The following TMEM132D variants were observed in gnomAD, a reference collection of about 807,000 sequenced individuals.
TMEM132D encodes mature OL transmembrane protein.
A neutral mutation model predicts 62.3 loss-of-function variants in TMEM132D; 21 were observed. The observed-to-expected ratio is 0.34, with a 90% CI of 0.24 to 0.49. The LOEUF is 0.49. Ranked by LOEUF, TMEM132D falls within the 20% of genes least tolerant of loss-of-function variation. The pLI, the probability that TMEM132D is intolerant of heterozygous loss-of-function variation, is 0.99. For synonymous variants in TMEM132D, 621 were observed against 575.6 expected, an observed-to-expected ratio of 1.08 and a Z score of -1.13; for missense variants, 1,346 against 1,402.8, an observed-to-expected ratio of 0.96 and a Z score of 0.65.
chr12:129,530,012 C>T (rs567164006), intron 3 of TMEM132D, among the ~76,000 whole-genome samples: 5 of 152,266 alleles, frequency 3.3e-5, no homozygotes, highest in Admixed American at 1.3e-4. Flanking sequence ...CTCTCATTTG[C>T]TGTACAAGCA....
At chr12:129,561,583 T>C (rs1459234830) in intron 2 of TMEM132D, among the ~76,000 whole-genome samples, 1 of 152,182 alleles carries the variant, frequency 6.6e-6, no homozygotes, top group Non-Finnish European at 1.5e-5. Context: ...CAACATAAGC[T>C]ATTTAAAGCT....
intron 3 of TMEM132D, among the ~76,000 whole-genome samples, chr12:129,527,536 T>G (rs1876084050): frequency 6.6e-6 from 1 of 152,164 alleles, no homozygotes; most frequent in Non-Finnish European, 1.5e-5. Flanking sequence ...GCTGGAGAAC[T>G]TAAATAAATG....
chr12:129,711,557 A>T (rs7294324), intron 1 of TMEM132D, among the ~76,000 whole-genome samples: 9 of 151,922 alleles, frequency 5.9e-5, no homozygotes, highest in Non-Finnish European at 8.8e-5. Flanking sequence ...GAAACCCCAT[A>T]GCTACTAAAA....
intron 4 of TMEM132D, among the ~76,000 whole-genome samples, chr12:129,295,902 T>C (rs2135623239): frequency 6.6e-6 from 1 of 152,292 alleles, no homozygotes; most frequent in East Asian, 1.9e-4. Flanking sequence ...ACTATTACTT[T>C]GTATTTATTT....
chr12:129,487,375 T>C (rs1874614671), intron 3 of TMEM132D, among the ~76,000 whole-genome samples: 1 of 152,178 alleles, frequency 6.6e-6, no homozygotes. Context: ...AGGGACAAGA[T>C]GTAATTTAAG....
intron 2 of TMEM132D, among the ~76,000 whole-genome samples, chr12:129,697,540 G>T (rs1228523006): frequency 6.6e-6 from 1 of 152,170 alleles, no homozygotes; most frequent in Non-Finnish European, 1.5e-5. Context: ...GAGGTAAACA[G>T]ACATTCATGA....
At chr12:129,131,110 T>C (rs1014795072) in intron 5 of TMEM132D, among the ~76,000 whole-genome samples, 1 of 152,190 alleles carries the variant, frequency 6.6e-6, no homozygotes, top group Non-Finnish European at 1.5e-5. Context: ...AAAAGGGTAC[T>C]AATGAAAATC....
At chr12:129,166,225 G>C (rs1877541585) in intron 5 of TMEM132D, among the ~76,000 whole-genome samples, 1 of 152,184 alleles carries the variant, frequency 6.6e-6, no homozygotes, top group African/African-American at 2.4e-5. Context: ...GCACCCGATG[G>C]GACCTGCTAA....
chr12:129,126,865 C>T (rs1876228874), intron 5 of TMEM132D, among the ~76,000 whole-genome samples: 2 of 152,182 alleles, frequency 1.3e-5, no homozygotes, highest in South Asian at 2.1e-4. Context: ...CATGAAGGGA[C>T]ATGTCATCAT....
intron 1 of TMEM132D, among the ~76,000 whole-genome samples, chr12:129,898,530 T>C (rs928619935): frequency 6.6e-6 from 1 of 152,210 alleles, no homozygotes; most frequent in Non-Finnish European, 1.5e-5. Flanking sequence ...TAAGTCAAGA[T>C]GGGAGATTAT....
intron 5 of TMEM132D, among the ~76,000 whole-genome samples, chr12:129,131,170 G>A (rs552551843): frequency 6.6e-6 from 1 of 152,306 alleles, no homozygotes; most frequent in East Asian, 1.9e-4. Context: ...ACAGTCATAT[G>A]CATTACATGT....
chr12:129,098,463 G>A (rs1875184082), intron 5 of TMEM132D, among the ~76,000 whole-genome samples: 1 of 152,044 alleles, frequency 6.6e-6, no homozygotes, highest in African/African-American at 2.4e-5. Context: ...CTACCTACTC[G>A]GGCACAGATG....
chr12:129,870,367 T>C (rs1156315388), intron 1 of TMEM132D, among the ~76,000 whole-genome samples: 1 of 152,092 alleles, frequency 6.6e-6, no homozygotes, highest in Non-Finnish European at 1.5e-5. Flanking sequence ...ACAAAGACCA[T>C]GCATGGGTTT....
intron 1 of TMEM132D, among the ~76,000 whole-genome samples, chr12:129,836,869 C>T (rs1300373366): frequency 1.3e-5 from 2 of 152,210 alleles, no homozygotes; most frequent in African/African-American, 4.8e-5. Context: ...ATTTGGACAG[C>T]TTGTTAAAAA....
chr12:129,895,631 G>A (rs140338651), intron 1 of TMEM132D, among the ~76,000 whole-genome samples: 19 of 152,252 alleles, frequency 1.2e-4, no homozygotes, highest in African/African-American at 4.1e-4. Flanking sequence ...CACCTCATAC[G>A]AACATTCCTT....
chr12:129,336,098 C>A (rs1426172941), intron 4 of TMEM132D, among the ~76,000 whole-genome samples: 1 of 152,176 alleles, frequency 6.6e-6, no homozygotes, highest in East Asian at 1.9e-4. Flanking sequence ...AGACCACTAA[C>A]CTTAGGAACT....
At chr12:129,366,892 G>A (rs1870431908) in intron 3 of TMEM132D, among the ~76,000 whole-genome samples, 1 of 152,204 alleles carries the variant, frequency 6.6e-6, no homozygotes. Context: ...AAGATGCTGT[G>A]GTTTTGGGGA....
chr12:129,811,062 A>C (rs1485148668), intron 1 of TMEM132D, among the ~76,000 whole-genome samples: 2 of 151,934 alleles, frequency 1.3e-5, no homozygotes, highest in Non-Finnish European at 1.5e-5. Context: ...AAGGACAGAA[A>C]GATTCCATTT....
chr12:129,366,854 CT>C (rs1232063678), intron 3 of TMEM132D, among the ~76,000 whole-genome samples: 2 of 152,168 alleles, frequency 1.3e-5, no homozygotes, highest in South Asian at 4.1e-4. Context: ...GAGAGATGGG[CT>C]GTCAACAGAT....
Sources: allele counts gnomAD v4.1 joint callset (sites outside exome capture counted in the v4.1 genomes callset), GRCh38; gene constraint gnomAD v4.1.1; transcripts MANE v1.5; gene names NCBI Gene and HGNC (gene_info 2026-07-23, HGNC 2026-07-21).